The following LYPLAL1 variants were observed in gnomAD, a reference collection of about 807,000 sequenced individuals.
LYPLAL1 encodes lysophospholipase like 1, also known as lysophospholipase-like protein 1.
Under a neutral mutation model 19.7 loss-of-function variants are expected in LYPLAL1, and 23 were observed. The observed-to-expected ratio is 1.17, with a 90% CI of 0.84 to 1.65. The LOEUF is 1.65. LYPLAL1 is among the 40% of genes most tolerant of loss of function. LYPLAL1 has a pLI of 0.00. For synonymous variants in LYPLAL1, 119 were observed against 96.3 expected (o/e 1.24, Z -1.38); for missense variants, 355 against 279.4 (o/e 1.27, Z -1.93).
At chr1:219,351,740 T>C in the LYPLAL1 span, among the ~76,000 whole-genome samples, 2 of 152,232 alleles carry the variant, frequency 1.3e-5, no homozygotes, top group Admixed American at 1.3e-4. Flanking sequence ...ATGTTTTTGA[T>C]GCACTAAGAC....
chr1:219,227,465 CTT>C, the LYPLAL1 span, among the ~76,000 whole-genome samples: 1 of 152,098 alleles, frequency 6.6e-6, no homozygotes. Context: ...ATTTTTGCAT[CTT>C]TTTGTTCATT....
the LYPLAL1 span, among the ~76,000 whole-genome samples, chr1:219,422,002 C>T: frequency 6.6e-6 from 1 of 152,080 alleles, no homozygotes; most frequent in African/African-American, 2.4e-5. Flanking sequence ...TAACACTGTC[C>T]TTCCAAAAGT....
chr1:219,380,031 G>A, the LYPLAL1 span, among the ~76,000 whole-genome samples: 67 of 152,312 alleles, frequency 4.4e-4, no homozygotes, highest in African/African-American at 1.4e-3. Context: ...TGGACACCAC[G>A]AACTGTACCA....
intron 2 of LYPLAL1, among the ~76,000 whole-genome samples, chr1:219,182,904 A>G (rs1656414285): frequency 6.6e-6 from 1 of 152,114 alleles, no homozygotes; most frequent in East Asian, 1.9e-4. Context: ...TGTTACATGG[A>G]AGTGATGCTT....
At chr1:219,174,448 T>A (rs1505257) in intron 1 of LYPLAL1, 175,974 of 290,300 alleles carry the variant, frequency 0.61, 54,714 homozygotes, top group East Asian at 0.92. Context: ...AGATACTGTT[T>A]ACAGATTATC....
chr1:219,258,028 C>T, the LYPLAL1 span, among the ~76,000 whole-genome samples: 2 of 151,948 alleles, frequency 1.3e-5, no homozygotes, highest in African/African-American at 4.8e-5. Context: ...ACTTACATGT[C>T]TGTTTATAGG....
At chr1:219,381,088 G>A in the LYPLAL1 span, among the ~76,000 whole-genome samples, 1 of 152,144 alleles carries the variant, frequency 6.6e-6, no homozygotes, top group African/African-American at 2.4e-5. Context: ...ATCTTGAATT[G>A]TAGCTCCCAT....
chr1:219,397,103 A>T, the LYPLAL1 span, among the ~76,000 whole-genome samples: 1 of 152,128 alleles, frequency 6.6e-6, no homozygotes, highest in Non-Finnish European at 1.5e-5. Flanking sequence ...TACCTAGTTT[A>T]TTGAGAGTTT....
chr1:219,267,266 CCTT>C, the LYPLAL1 span, among the ~76,000 whole-genome samples: 1 of 152,164 alleles, frequency 6.6e-6, no homozygotes, highest in Admixed American at 6.5e-5. Flanking sequence ...GCAACACACT[CCTT>C]ATTTATTTTT....
At chr1:219,229,598 G>C in the LYPLAL1 span, among the ~76,000 whole-genome samples, 1,146 of 152,318 alleles carry the variant, frequency 7.5e-3, 4 homozygotes, top group South Asian at 0.023. Flanking sequence ...AATTGAGCTG[G>C]TTAACACAGG....
chr1:219,419,592 C>CAG, the LYPLAL1 span, among the ~76,000 whole-genome samples: 383 of 62,740 alleles, frequency 6.1e-3, 1 homozygote, highest in African/African-American at 0.017. Flanking sequence ...CACACACACA[C>CAG]ACAGAGAGAG....
chr1:219,283,650 T>C, the LYPLAL1 span, among the ~76,000 whole-genome samples: 2 of 152,166 alleles, frequency 1.3e-5, no homozygotes, highest in Admixed American at 6.5e-5. Context: ...GACAATTGCC[T>C]GTACAGCCTT....
chr1:219,407,032 GT>G, the LYPLAL1 span, among the ~76,000 whole-genome samples: 1 of 152,280 alleles, frequency 6.6e-6, no homozygotes, highest in East Asian at 1.9e-4. Context: ...CCTTAATGAT[GT>G]TGTTTCACAT....
chr1:219,423,461 C>G, the LYPLAL1 span, among the ~76,000 whole-genome samples: 1 of 152,056 alleles, frequency 6.6e-6, no homozygotes, highest in Non-Finnish European at 1.5e-5. Context: ...TGAACACAGG[C>G]AAATACCAAG....
At chr1:219,308,746 A>C in the LYPLAL1 span, among the ~76,000 whole-genome samples, 48,962 of 152,118 alleles carry the variant, frequency 0.32, 8,330 homozygotes, top group East Asian at 0.6. Context: ...AGATGTATGG[A>C]AACACCTGGA....
In LYPLAL1 at chr1:219,207,439, C is replaced by A. The variant is rs942568743; in HGVS notation, c.362-3093C>A. 2.0e-5 allele frequency among the ~76,000 whole-genome samples: 3 copies of A among 151,912 alleles called. No homozygotes were observed. The East Asian group carries it at 5.8e-4, about 29-fold the overall frequency. ...ATGGGCTTGGAGCACACTAATCATTCATTCCTAGATTTTGTAGGTTTTTTT... is the reference window on the plus strand; with the variant it reads ...ATGGGCTTGGAGCACACTAATCATTAATTCCTAGATTTTGTAGGTTTTTTT... On this transcript the variant is annotated intron_variant, in intron 3 of 4. Coordinates refer to ENST00000366928, the MANE Select transcript of LYPLAL1 (RefSeq NM_138794.5).
At chr1:219,248,307 A>G in the LYPLAL1 span, among the ~76,000 whole-genome samples, 1 of 152,186 alleles carries the variant, frequency 6.6e-6, no homozygotes, top group Non-Finnish European at 1.5e-5. Flanking sequence ...GGTTTGCTTT[A>G]CAGACTTATG....
the LYPLAL1 span, among the ~76,000 whole-genome samples, chr1:219,336,742 C>T: frequency 1.4e-3 from 209 of 152,078 alleles, 1 homozygote; most frequent in Middle Eastern, 3.4e-3. Context: ...CAATGTGCAA[C>T]CTACCTATAA....
the LYPLAL1 span, among the ~76,000 whole-genome samples, chr1:219,300,016 T>G: frequency 2.0e-5 from 3 of 152,148 alleles, no homozygotes; most frequent in Non-Finnish European, 4.4e-5. Context: ...TCTCGCTCTG[T>G]CACCCAGGTT....
Sources: allele counts gnomAD v4.1 joint callset (sites outside exome capture counted in the v4.1 genomes callset), GRCh38; gene constraint gnomAD v4.1.1; transcripts MANE v1.5; gene names NCBI Gene and HGNC (gene_info 2026-07-23, HGNC 2026-07-21).